The following PABPC4L variants were observed in gnomAD, a reference collection of about 807,000 sequenced individuals.
PABPC4L encodes poly(A) binding protein cytoplasmic 4 like, also known as polyadenylate-binding protein 4-like.
For missense variants in PABPC4L, 452 were observed against 451.4 expected (o/e 1.00, Z -0.01); for synonymous variants, 169 against 164.1 (o/e 1.03, Z -0.23).
the PABPC4L span, among the ~76,000 whole-genome samples, chr4:134,177,616 C>T: frequency 3.0e-4 from 45 of 152,168 alleles, no homozygotes; most frequent in Middle Eastern, 6.8e-3. Flanking sequence ...GCTTCTAGCC[C>T]GCAGTTCCAC....
At chr4:134,026,322 G>A in the PABPC4L span, among the ~76,000 whole-genome samples, 8 of 151,338 alleles carry the variant, frequency 5.3e-5, no homozygotes, top group East Asian at 9.8e-4. Context: ...TGCAACATCC[G>A]CCTCCTGGGT....
the PABPC4L span, among the ~76,000 whole-genome samples, chr4:134,014,682 C>G: frequency 6.6e-6 from 1 of 152,038 alleles, no homozygotes; most frequent in Non-Finnish European, 1.5e-5. Context: ...GCCCCTTAGA[C>G]CATCACGGAT....
At chr4:134,169,555 C>A in the PABPC4L span, among the ~76,000 whole-genome samples, 1 of 151,674 alleles carries the variant, frequency 6.6e-6, no homozygotes, top group South Asian at 2.1e-4. Context: ...AAGACTCCAT[C>A]AAAAAAGACT....
the PABPC4L span, among the ~76,000 whole-genome samples, chr4:134,129,642 T>G: frequency 6.6e-6 from 1 of 152,054 alleles, no homozygotes; most frequent in African/African-American, 2.4e-5. Flanking sequence ...TTAATTAAAT[T>G]TAAATTTTTA....
At chr4:134,034,442 T>C in the PABPC4L span, among the ~76,000 whole-genome samples, 4 of 152,102 alleles carry the variant, frequency 2.6e-5, no homozygotes, top group South Asian at 8.3e-4. Flanking sequence ...AAATATATTT[T>C]GTAAGGCTAC....
At chr4:134,124,827 A>C in the PABPC4L span, among the ~76,000 whole-genome samples, 2 of 152,090 alleles carry the variant, frequency 1.3e-5, no homozygotes, top group Non-Finnish European at 2.9e-5. Context: ...GTGAGCACCA[A>C]GCCATCTCTT....
At chr4:134,076,870 G>C in the PABPC4L span, among the ~76,000 whole-genome samples, 1 of 152,100 alleles carries the variant, frequency 6.6e-6, no homozygotes, top group Non-Finnish European at 1.5e-5. Context: ...CATTTTGAAA[G>C]CATGATGTCA....
At chr4:133,984,609 C>T in the PABPC4L span, among the ~76,000 whole-genome samples, 1 of 151,792 alleles carries the variant, frequency 6.6e-6, no homozygotes, top group Non-Finnish European at 1.5e-5. Context: ...CATTAAAGTA[C>T]TGTTTTCAGG....
the PABPC4L span, among the ~76,000 whole-genome samples, chr4:134,128,363 AGGT>A: frequency 6.6e-6 from 1 of 152,206 alleles, no homozygotes; most frequent in East Asian, 1.9e-4. Flanking sequence ...CATAGGCGTC[AGGT>A]TATCTGAAGT....
At chr4:134,169,476 A>G in the PABPC4L span, among the ~76,000 whole-genome samples, 148 of 152,242 alleles carry the variant, frequency 9.7e-4, 1 homozygote, top group Admixed American at 1.1e-3. Context: ...AATAAAAGGC[A>G]TCCAAATTAG....
At chr4:134,018,337 C>T in the PABPC4L span, among the ~76,000 whole-genome samples, 10 of 152,148 alleles carry the variant, frequency 6.6e-5, no homozygotes, top group Non-Finnish European at 1.3e-4. Context: ...CTTTATTGCT[C>T]ACACAAAGCC....
chr4:134,098,841 CAAGTG>C, the PABPC4L span, among the ~76,000 whole-genome samples: 1 of 151,548 alleles, frequency 6.6e-6, no homozygotes, highest in African/African-American at 2.4e-5. Flanking sequence ...TCCTTAAAGC[CAAGTG>C]AAGATTTTGT....
the PABPC4L span, among the ~76,000 whole-genome samples, chr4:134,036,081 T>G: frequency 6.6e-6 from 1 of 151,940 alleles, no homozygotes; most frequent in African/African-American, 2.4e-5. Context: ...GAGGTTTGGG[T>G]GGGGACACAA....
At chr4:134,112,467 T>C in the PABPC4L span, among the ~76,000 whole-genome samples, 1 of 151,944 alleles carries the variant, frequency 6.6e-6, no homozygotes, top group Non-Finnish European at 1.5e-5. Context: ...TATTGACCAA[T>C]TTGAAGTTAT....
chr4:134,132,173 AG>A, the PABPC4L span, among the ~76,000 whole-genome samples: 1 of 152,100 alleles, frequency 6.6e-6, no homozygotes, highest in Non-Finnish European at 1.5e-5. Flanking sequence ...TTTATGACCA[AG>A]AACCCAAAAG....
chr4:134,137,540 C>A, the PABPC4L span, among the ~76,000 whole-genome samples: 1 of 151,724 alleles, frequency 6.6e-6, no homozygotes, highest in Non-Finnish European at 1.5e-5. Context: ...CCTGAATTTC[C>A]AATCAGCTTT....
At chr4:134,065,341 A>G in the PABPC4L span, among the ~76,000 whole-genome samples, 1 of 14,308 alleles carries the variant, frequency 7.0e-5, no homozygotes, top group South Asian at 1.8e-3. Flanking sequence ...TTTATCTAAT[A>G]TTAGTGATGT....
chr4:134,099,490 G>C, the PABPC4L span, among the ~76,000 whole-genome samples: 2 of 151,562 alleles, frequency 1.3e-5, no homozygotes, highest in South Asian at 4.1e-4. Context: ...TTTGGCCTCC[G>C]TACAATCTTG....
At chr4:134,120,867 A>T in the PABPC4L span, among the ~76,000 whole-genome samples, 1 of 151,240 alleles carries the variant, frequency 6.6e-6, no homozygotes, top group East Asian at 1.9e-4. Flanking sequence ...AGCTTGATGC[A>T]TTTTTAAATC....
Sources: allele counts gnomAD v4.1 joint callset (sites outside exome capture counted in the v4.1 genomes callset), GRCh38; gene constraint gnomAD v4.1.1; transcripts MANE v1.5; gene names NCBI Gene and HGNC (gene_info 2026-07-23, HGNC 2026-07-21).